Variants in UNC13C observed in about 807,000 individuals in gnomAD.
The protein encoded by UNC13C is protein unc-13 homolog C.
In UNC13C, 174 loss-of-function variants were observed where a neutral mutation model predicts 245.4. The observed-to-expected ratio is 0.71, with a 90% confidence interval of 0.63 to 0.80. The LOEUF (loss-of-function observed/expected upper bound fraction) is 0.80. UNC13C is among the 30% of genes least tolerant of loss of function. The pLI, the probability that UNC13C is intolerant of heterozygous loss-of-function variation, is 0.00. For synonymous variants in UNC13C, 992 were observed against 895.1 expected, an observed-to-expected ratio of 1.11 and a Z score of -1.93; for missense variants, 2,829 against 2,602.9, an observed-to-expected ratio of 1.09 and a Z score of -1.89.
intron 18 of UNC13C, 120 bp from the exon 19 acceptor site, chr15:54,414,862 A>G (rs2040487500): frequency 3.7e-6 from 2 of 539,706 alleles, no homozygotes; most frequent in Non-Finnish European, 6.3e-6. Context: ...GAGAAATGTC[A>G]TAAATAAAAG....
chr15:54,186,849 A>G (rs2034005211), intron 4 of UNC13C, among the ~76,000 whole-genome samples: 1 of 147,208 alleles, frequency 6.8e-6, no homozygotes, highest in Admixed American at 6.8e-5. Flanking sequence ...ATATATGTAT[A>G]TATATATTTT....
chr15:54,082,385 C>G (rs9672621), intron 2 of UNC13C, among the ~76,000 whole-genome samples: 4,849 of 152,074 alleles, frequency 0.032, 262 homozygotes, highest in African/African-American at 0.11. Flanking sequence ...ACTTTTTCTT[C>G]TTCTCTATCA....
chr15:54,325,672 G>A (rs1392857402), intron 14 of UNC13C, among the ~76,000 whole-genome samples: 1 of 151,430 alleles, frequency 6.6e-6, no homozygotes, highest in Non-Finnish European at 1.5e-5. Flanking sequence ...TTGCTTTTCT[G>A]TTCTTGTGTT....
chr15:54,134,230 G>T (rs1215148496), intron 2 of UNC13C, among the ~76,000 whole-genome samples: 2 of 150,356 alleles, frequency 1.3e-5, no homozygotes, highest in African/African-American at 4.9e-5. Context: ...CCCACCCCCA[G>T]CCCTGGCAAC....
rs577801381 is a variant in UNC13C at position 54,491,731 on chromosome 15, G to A, written c.4934-2877G>A. ...AATTTAGGCACACCTGGCCGGGCAC[G>A]GTGGCTCACGCTTGTAATCCCAGTA... is the stretch of plus-strand genomic sequence containing the variant. On this transcript the variant is annotated intron_variant, in intron 19 of 32. Transcript: ENST00000260323. Among the ~76,000 whole-genome samples the A allele has an allele frequency of 3.0e-3, 451 of 152,112 alleles. 7 individuals carry two copies. The highest frequency in any genetic ancestry group is 0.01 in the African/African-American group (432 of 41,490).
chr15:54,251,776 C>T (rs2140868456), intron 8 of UNC13C, among the ~76,000 whole-genome samples: 1 of 152,216 alleles, frequency 6.6e-6, no homozygotes, highest in African/African-American at 2.4e-5. Context: ...GATTGCTTGA[C>T]ACTGAAGGGA....
rs1893794584 is a variant in UNC13C at position 53,978,556 on chromosome 15, T to G, written c.-628T>G. ...GGCGCTCCTCAACACACGGGAGAGA[T>G]CCCATTTTGCTTTCTGGGAGAAAGA... is the stretch of plus-strand genomic sequence containing the variant. On this transcript the variant is annotated 5_prime_UTR_variant, in exon 1 of 33. Transcript: ENST00000260323. Among the ~76,000 whole-genome samples the G allele has an allele frequency of 6.6e-6, 1 of 152,004 alleles. No individual in the cohort carries two copies. The highest frequency in any genetic ancestry group is 2.4e-5 in the African/African-American group (1 of 41,404).
chr15:54,047,230 T>C (rs919837707), intron 2 of UNC13C, among the ~76,000 whole-genome samples: 8 of 152,098 alleles, frequency 5.3e-5, no homozygotes, highest in Admixed American at 2.0e-4. Flanking sequence ...TTACCCATTT[T>C]AGGTACATTT....
intron 17 of UNC13C, among the ~76,000 whole-genome samples, chr15:54,382,414 C>T (rs989560294): frequency 1.3e-5 from 2 of 151,956 alleles, no homozygotes; most frequent in Admixed American, 6.6e-5. Flanking sequence ...CATGGCAAAA[C>T]TCCATCTCCG....
chr15:54,461,789 G>T (rs1891859701), intron 19 of UNC13C, among the ~76,000 whole-genome samples: 1 of 152,208 alleles, frequency 6.6e-6, no homozygotes, highest in Non-Finnish European at 1.5e-5. Context: ...GAAGAGAGCA[G>T]ATTGGTAAAT....
chr15:54,552,455 TAATTATATATTACAATATATA>T lies in UNC13C; in HGVS notation c.5877+2766_5877+2786del, dbSNP rs1369798987. On this transcript the variant is annotated intron_variant, in intron 28 of 32. Coordinates refer to ENST00000260323, the MANE Select transcript of UNC13C (RefSeq NM_001080534.3). The stretch of plus-strand genomic sequence containing the variant: ...TAATTATATATTACAATATATAATA[TAATTATATATTACAATATATA>T]ATATAATTATATATTATATTATATA... Among the ~76,000 whole-genome samples the T allele has an allele frequency of 1.4e-4, 8 of 58,678 alleles. 1 individual carries two copies. The highest frequency in any genetic ancestry group is 7.4e-4 in the African/African-American group (8 of 10,812). 38.5% of individuals were successfully genotyped at this position (58,678 alleles called of 152,430 possible).
chr15:54,341,061 A>T (rs946457915), intron 17 of UNC13C, among the ~76,000 whole-genome samples: 6 of 152,320 alleles, frequency 3.9e-5, no homozygotes, highest in African/African-American at 9.6e-5. Flanking sequence ...TTCTCAAAAA[A>T]CTTAAAACAG....
At chr15:54,127,415 T>C (rs113294369) in intron 2 of UNC13C, among the ~76,000 whole-genome samples, 28,668 of 151,912 alleles carry the variant, frequency 0.19, 2,876 homozygotes, top group South Asian at 0.28. Context: ...GGGACATGGA[T>C]GAAGTTGGAA....
At chr15:54,024,362 A>T (rs1157066546) in intron 2 of UNC13C, among the ~76,000 whole-genome samples, 1 of 152,214 alleles carries the variant, frequency 6.6e-6, no homozygotes, top group Non-Finnish European at 1.5e-5. Context: ...AGTTACCTAA[A>T]CTAAGACCCA....
At chr15:54,436,075 T>A (rs551093152) in intron 19 of UNC13C, among the ~76,000 whole-genome samples, 1 of 151,806 alleles carries the variant, frequency 6.6e-6, no homozygotes, top group Admixed American at 6.6e-5. Context: ...ATTAAAAAGT[T>A]AGGAAACAGC....
At chr15:53,927,730 C>T in the UNC13C span, among the ~76,000 whole-genome samples, 3 of 152,070 alleles carry the variant, frequency 2.0e-5, no homozygotes, top group African/African-American at 7.2e-5. Context: ...TGTGTGATTG[C>T]CCAGGGAAGT....
rs199902796 is a variant in UNC13C at position 54,219,128 on chromosome 15, A to C, written c.3072-15902A>C. Among the ~76,000 whole-genome samples the C allele has an allele frequency of 3.3e-3, 499 of 151,210 alleles. 14 individuals are homozygous for C. The East Asian group carries it at 0.061, about 18-fold the overall frequency. Reference sequence around the variant, plus strand: ...AAGTTCATATGGAACCAAAAAAGAGACCGCATTGCCAAGTCAATCCTAAGC... The same window carrying C: ...AAGTTCATATGGAACCAAAAAAGAGCCCGCATTGCCAAGTCAATCCTAAGC... On this transcript the variant is annotated intron_variant, in intron 4 of 32. Coordinates refer to ENST00000260323, the MANE Select transcript of UNC13C (RefSeq NM_001080534.3).
At chr15:54,054,504 A>G (rs1194841124) in intron 2 of UNC13C, among the ~76,000 whole-genome samples, 2 of 152,218 alleles carry the variant, frequency 1.3e-5, no homozygotes, top group East Asian at 1.9e-4. Context: ...TTTATACTGT[A>G]AAAACATGCT....
intron 2 of UNC13C, among the ~76,000 whole-genome samples, chr15:54,071,546 G>A (rs774185413): frequency 1.3e-5 from 2 of 152,036 alleles, no homozygotes; most frequent in African/African-American, 4.8e-5. Context: ...GATCAGTTCT[G>A]AATGGCTGAC....
Sources: gnomAD v4.1 joint callset for allele counts (sites outside exome capture counted in the v4.1 genomes callset) on GRCh38, gnomAD v4.1.1 for gene constraint, MANE v1.5 for transcripts, NCBI Gene and HGNC (gene_info 2026-07-23, HGNC 2026-07-21) for gene names.